The following SEM1 variants were observed in gnomAD, a reference collection of about 807,000 sequenced individuals.
SEM1 encodes 26S proteasome complex subunit SEM1.
In SEM1, 3 loss-of-function variants were observed where a neutral mutation model predicts 12.7. The ratio of observed to expected loss-of-function variants is 0.24; its 90% CI spans 0.11 to 0.61. The LOEUF (loss-of-function observed/expected upper bound fraction) is 0.61, where lower values mean the gene tolerates loss of function less well. Among genes scored for constraint, SEM1 ranks in the 20% least tolerant of loss-of-function variants. The probability of loss-of-function intolerance (pLI) is 0.88; values close to 1 mark genes in which losing one functional copy is unlikely to be tolerated. For synonymous variants in SEM1, 30 were observed against 27.8 expected (o/e 1.08, Z -0.25); for missense variants, 59 against 81.3 (o/e 0.73, Z 1.06).
At chr7:96,681,930 T>C (rs1789624971) in intron 2 of SEM1, among the ~76,000 whole-genome samples, 1 of 152,140 alleles carries the variant, frequency 6.6e-6, no homozygotes, top group Non-Finnish European at 1.5e-5. Context: ...AGAAAGTCAA[T>C]GGTAGTTTGA....
chr7:96,708,009 T>G (rs1035097651), intron 1 of SEM1: 3 of 152,232 alleles, frequency 2.0e-5, no homozygotes, highest in African/African-American at 4.8e-5. Context: ...TTTCTTTTTG[T>G]CTCTAAGCCT....
At chr7:96,573,710 G>A (rs142949311) in intron 2 of SEM1, among the ~76,000 whole-genome samples, 71 of 151,826 alleles carry the variant, frequency 4.7e-4, no homozygotes, top group Non-Finnish European at 7.1e-4. Flanking sequence ...TTTTTCCTTC[G>A]TTTCAACCTT....
rs1347559185 is a variant in SEM1, at chr7:96,704,359, ATTAAGT to A, written c.76+5323_76+5328del. 2.0e-5 allele frequency among the ~76,000 whole-genome samples: 3 copies of A among 152,260 alleles called. No individual in the cohort carries two copies. The East Asian group carries it at 5.8e-4, about 29-fold the overall frequency. ...TTTTTACTTTTTAATTTATACTCTC[ATTAAGT>A]TTAAATTTTTACCATAAGCGGTTAC... is the stretch of plus-strand genomic sequence containing the variant. On this transcript the variant is annotated intron_variant, in intron 1 of 2. Coordinates refer to ENST00000248566, the MANE Select transcript of SEM1 (RefSeq NM_006304.2).
chr7:96,592,999 T>TTAAAAA lies in SEM1; in HGVS notation c.171-86302_171-86301insTTTTTA, dbSNP rs60512379. On this transcript the variant is annotated intron_variant and NMD_transcript_variant, in intron 2 of 3. Coordinates refer to the SEM1 transcript ENST00000466986. Reference sequence around the variant, plus strand: ...CCTCTCTGCTGTAATTCTCCCATATTAAAAAAAAAAAAAAAAAAAAAGGCA... The same window carrying TTAAAAA: ...CCTCTCTGCTGTAATTCTCCCATATTTAAAAAAAAAAAAAAAAAAAAAAAAAAGGCA... 7.8e-3 allele frequency among the ~76,000 whole-genome samples: 1,000 copies of TTAAAAA among 127,968 alleles called. 21 individuals are homozygous for TTAAAAA. The highest frequency in any genetic ancestry group is 0.013 in the African/African-American group (430 of 33,056). 84.0% of individuals were successfully genotyped at this position (127,968 alleles called of 152,430 possible).
At chr7:96,492,892 G>A (rs1803078925) in intron 1 of SEM1, among the ~76,000 whole-genome samples, 2 of 151,938 alleles carry the variant, frequency 1.3e-5, no homozygotes, top group South Asian at 4.1e-4. Context: ...GAACATGGAT[G>A]TACAAATATC....
intron 2 of SEM1, among the ~76,000 whole-genome samples, chr7:96,528,994 A>C (rs1180491842): frequency 6.6e-6 from 1 of 152,156 alleles, no homozygotes; most frequent in Non-Finnish European, 1.5e-5. Flanking sequence ...AAGCAACACA[A>C]ATGAAACATC....
At chr7:96,512,225 A>G (rs1274454953) in intron 2 of SEM1, among the ~76,000 whole-genome samples, 1 of 152,082 alleles carries the variant, frequency 6.6e-6, no homozygotes, top group African/African-American at 2.4e-5. Context: ...AGAATAGAGT[A>G]GGGAGAGCCT....
At chr7:96,537,135 C>T (rs1804809453) in intron 2 of SEM1, among the ~76,000 whole-genome samples, 1 of 151,736 alleles carries the variant, frequency 6.6e-6, no homozygotes. Flanking sequence ...TATAAGTCTA[C>T]TTACTTTCAA....
chr7:96,552,916 G>A lies in SEM1; in HGVS notation c.171-46218C>T, dbSNP rs572410319. 4.1e-3 allele frequency among the ~76,000 whole-genome samples: 614 copies of A among 149,540 alleles called. 4 individuals carry two copies. The highest frequency in any genetic ancestry group is 0.014 in the African/African-American group (589 of 40,928). On this transcript the variant is annotated intron_variant and NMD_transcript_variant, in intron 2 of 3. Coordinates refer to the SEM1 transcript ENST00000466986. ...CTGGTGTGAGATGGTATCTCATTGTGGTTTTGATTTGCATTTCTCTGATGG... is the reference window on the plus strand; with the variant it reads ...CTGGTGTGAGATGGTATCTCATTGTAGTTTTGATTTGCATTTCTCTGATGG...
intron 1 of SEM1, among the ~76,000 whole-genome samples, chr7:96,491,103 C>T (rs1323378961): frequency 6.6e-6 from 1 of 152,032 alleles, no homozygotes; most frequent in East Asian, 1.9e-4. Context: ...AGAGGTATCT[C>T]TTTTTTTCTT....
intron 2 of SEM1, among the ~76,000 whole-genome samples, chr7:96,584,096 T>C (rs1028674391): frequency 1.3e-5 from 2 of 152,244 alleles, no homozygotes; most frequent in Admixed American, 6.5e-5. Context: ...GATTTTGCAG[T>C]GGCTGGTACC....
chr7:96,524,519 G>C (rs1396526291), intron 2 of SEM1, among the ~76,000 whole-genome samples: 2 of 151,878 alleles, frequency 1.3e-5, no homozygotes, highest in African/African-American at 4.8e-5. Flanking sequence ...ATAAATCAGT[G>C]CTGTCCAATA....
At chr7:96,594,352 T>G (rs1806929458) in intron 2 of SEM1, among the ~76,000 whole-genome samples, 1 of 151,964 alleles carries the variant, frequency 6.6e-6, no homozygotes, top group Non-Finnish European at 1.5e-5. Flanking sequence ...TCCTTCCCAC[T>G]CTATTCCCCA....
chr7:96,493,992 A>G (rs572772467), intron 1 of SEM1, among the ~76,000 whole-genome samples: 2 of 152,262 alleles, frequency 1.3e-5, no homozygotes, highest in South Asian at 2.1e-4. Flanking sequence ...GAATCCTAAG[A>G]TTCTGGACAG....
intron 2 of SEM1, among the ~76,000 whole-genome samples, chr7:96,532,525 T>C (rs899037856): frequency 1.3e-5 from 2 of 152,122 alleles, no homozygotes; most frequent in Non-Finnish European, 2.9e-5. Context: ...ACCTTCTTCA[T>C]TGGGGAACAT....
In SEM1 at chr7:96,640,398, A is replaced by G. The variant is rs1438235949; in HGVS notation, c.171-17755T>C. On this transcript the variant is annotated intron_variant, in intron 2 of 2. Coordinates refer to the SEM1 transcript ENST00000417009. This position sits in a 1 kb window ranked among gnomAD's most constrained non-coding sequence, Gnocchi z 4.0. ...AATGGACTATTTTCCAGTGCTAAAAAGAAATGAGCTACCAAGCCATGAAAA... is the reference window on the plus strand; with the variant it reads ...AATGGACTATTTTCCAGTGCTAAAAGGAAATGAGCTACCAAGCCATGAAAA... 6.6e-6 allele frequency among the ~76,000 whole-genome samples: 1 copy of G among 152,040 alleles called. No homozygotes were observed. The highest frequency in any genetic ancestry group is 2.4e-5 in the African/African-American group (1 of 41,422).
intron 2 of SEM1, among the ~76,000 whole-genome samples, chr7:96,522,271 T>C (rs1804301113): frequency 6.6e-6 from 1 of 152,144 alleles, no homozygotes; most frequent in African/African-American, 2.4e-5. Context: ...TCCGGGCATA[T>C]ATAGCCCTGA....
At chr7:96,537,138 A>G (rs1804809571) in intron 2 of SEM1, among the ~76,000 whole-genome samples, 1 of 151,794 alleles carries the variant, frequency 6.6e-6, no homozygotes, top group Non-Finnish European at 1.5e-5. Flanking sequence ...AAGTCTACTT[A>G]CTTTCAAATC....
chr7:96,531,696 C>T (rs1435563485), intron 2 of SEM1, among the ~76,000 whole-genome samples: 4 of 151,384 alleles, frequency 2.6e-5, no homozygotes, highest in Non-Finnish European at 5.9e-5. Flanking sequence ...AATAAGAATA[C>T]ATGACAAGGA....
Sources: gnomAD v4.1 joint callset for allele counts (sites outside exome capture counted in the v4.1 genomes callset) on GRCh38, gnomAD v4.1.1 for gene constraint, Gnocchi (gnomAD v3.1) non-coding constraint, MANE v1.5 for transcripts, NCBI Gene and HGNC (gene_info 2026-07-23, HGNC 2026-07-21) for gene names.